CA10: variants seen among roughly 807,000 people sequenced by gnomAD.
CA10 encodes the protein carbonic anhydrase-related protein 10.
A neutral mutation model predicts 44.2 loss-of-function variants in CA10; 14 were observed. The ratio of observed to expected loss-of-function variants is 0.32; its 90% CI spans 0.21 to 0.50. CA10 has a LOEUF of 0.50. Among genes scored for constraint, CA10 ranks in the 20% least tolerant of loss-of-function variants. CA10 has a pLI of 0.99. For synonymous variants in CA10, 159 were observed against 141.6 expected (o/e 1.12, Z -0.87); for missense variants, 350 against 409.7 (o/e 0.85, Z 1.26).
intron 1 of CA10, among the ~76,000 whole-genome samples, chr17:52,146,606 C>T (rs1269095468): frequency 4.6e-5 from 7 of 151,828 alleles, no homozygotes; most frequent in Non-Finnish European, 7.4e-5. Flanking sequence ...AGGAGAATGG[C>T]GTGAACCCAG....
At chr17:51,916,683 T>C (rs1982011270) in intron 3 of CA10, among the ~76,000 whole-genome samples, 2 of 152,162 alleles carry the variant, frequency 1.3e-5, no homozygotes, top group South Asian at 4.1e-4. Flanking sequence ...GGTATATCTT[T>C]ATCAGCAGTA....
intron 3 of CA10, among the ~76,000 whole-genome samples, chr17:51,813,123 G>C (rs1051022854): frequency 6.6e-6 from 1 of 152,192 alleles, no homozygotes; most frequent in Non-Finnish European, 1.5e-5. Flanking sequence ...ATAGATAACA[G>C]ATTAAAAATT....
chr17:52,022,796 T>C (rs1054790471), intron 2 of CA10, among the ~76,000 whole-genome samples: 5 of 151,998 alleles, frequency 3.3e-5, no homozygotes, highest in African/African-American at 1.2e-4. Flanking sequence ...AAATCAGTAC[T>C]ATTTCTATAC....
intron 4 of CA10, among the ~76,000 whole-genome samples, chr17:51,718,469 G>A (rs1224290378): frequency 1.3e-5 from 2 of 152,086 alleles, no homozygotes; most frequent in African/African-American, 4.8e-5. Flanking sequence ...GGAAGGCAGT[G>A]GGCTTGGAGA....
intron 3 of CA10, among the ~76,000 whole-genome samples, chr17:51,767,684 T>C (rs906735863): frequency 6.6e-6 from 1 of 151,974 alleles, no homozygotes; most frequent in Non-Finnish European, 1.5e-5. Context: ...AATGAAACAA[T>C]TACACAACTC....
chr17:52,092,384 G>C (rs1417334996), intron 1 of CA10, among the ~76,000 whole-genome samples: 1 of 152,176 alleles, frequency 6.6e-6, no homozygotes, highest in East Asian at 1.9e-4. Context: ...TTATAAATCA[G>C]GAAACTGAAG....
At chr17:51,666,131 C>T (rs950216431) in intron 4 of CA10, among the ~76,000 whole-genome samples, 2 of 152,180 alleles carry the variant, frequency 1.3e-5, no homozygotes, top group Admixed American at 1.3e-4. Flanking sequence ...TCCAACAAAC[C>T]CGTATGTGTT....
intron 3 of CA10, among the ~76,000 whole-genome samples, chr17:51,754,400 GATAT>G (rs56145404): frequency 0.067 from 4,836 of 71,850 alleles, 222 homozygotes; most frequent in Middle Eastern, 0.091. Flanking sequence ...GTGTGTGTGT[GATAT>G]ATATATATAT....
chr17:51,988,508 T>C (rs73987339), intron 2 of CA10, among the ~76,000 whole-genome samples: 3,462 of 152,080 alleles, frequency 0.023, 127 homozygotes, highest in African/African-American at 0.075. Context: ...GGTGTGGTGG[T>C]TTTTGTGGGT....
At chr17:52,064,367 A>C (rs1222578541) in intron 2 of CA10, among the ~76,000 whole-genome samples, 1 of 152,182 alleles carries the variant, frequency 6.6e-6, no homozygotes, top group African/African-American at 2.4e-5. Context: ...AAACTACTAA[A>C]TAAATGGTAA....
At chr17:52,148,675 G>A (rs183062470) in intron 1 of CA10, among the ~76,000 whole-genome samples, 202 of 152,054 alleles carry the variant, frequency 1.3e-3, no homozygotes, top group African/African-American at 4.7e-3. Context: ...ACTCTCCATC[G>A]CTCCTTATTA....
intron 2 of CA10, among the ~76,000 whole-genome samples, chr17:51,960,093 C>T (rs1400429739): frequency 2.7e-5 from 4 of 150,750 alleles, no homozygotes; most frequent in East Asian, 1.9e-4. Context: ...AATATAAACA[C>T]GAAGTAAATA....
chr17:52,002,341 C>T (rs1985454483), intron 2 of CA10, among the ~76,000 whole-genome samples: 1 of 151,760 alleles, frequency 6.6e-6, no homozygotes, highest in Non-Finnish European at 1.5e-5. Context: ...AGAGGGGAGG[C>T]CAGAGGGCAT....
chr17:51,797,929 G>C (rs1408480398), intron 3 of CA10, among the ~76,000 whole-genome samples: 1 of 149,914 alleles, frequency 6.7e-6, no homozygotes, highest in Admixed American at 6.7e-5. Context: ...TCCACGACTA[G>C]CATCTAGGGG....
At chr17:51,981,518 G>C (rs1369690874) in intron 2 of CA10, among the ~76,000 whole-genome samples, 1 of 151,960 alleles carries the variant, frequency 6.6e-6, no homozygotes, top group Non-Finnish European at 1.5e-5. Context: ...CTCTCTGAGA[G>C]AGTGGTTGAT....
chr17:51,856,426 C>A (rs1277748800), intron 3 of CA10, among the ~76,000 whole-genome samples: 2 of 151,942 alleles, frequency 1.3e-5, no homozygotes, highest in African/African-American at 4.8e-5. Flanking sequence ...TACATGAGAC[C>A]ACAAGGAGTC....
intron 2 of CA10, among the ~76,000 whole-genome samples, chr17:51,951,939 T>G (rs1043093700): frequency 1.2e-4 from 19 of 152,180 alleles, no homozygotes; most frequent in African/African-American, 4.6e-4. Context: ...GCTGTGCTCA[T>G]CTCTGGCTAT....
At chr17:52,015,464 G>T (rs187441719) in intron 2 of CA10, among the ~76,000 whole-genome samples, 5 of 152,226 alleles carry the variant, frequency 3.3e-5, no homozygotes, top group Admixed American at 2.6e-4. Context: ...GGAGAACACT[G>T]AAAATATGAA....
chr17:51,878,160 A>AAG (rs1555608314), intron 3 of CA10, among the ~76,000 whole-genome samples: 6 of 150,882 alleles, frequency 4.0e-5, no homozygotes, highest in African/African-American at 1.5e-4. Context: ...AAAAAAAAAA[A>AAG]AAAAAAAGAA....
Sources: gnomAD v4.1 joint callset for allele counts (sites outside exome capture counted in the v4.1 genomes callset) on GRCh38, gnomAD v4.1.1 for gene constraint, MANE v1.5 for transcripts, NCBI Gene and HGNC (gene_info 2026-07-23, HGNC 2026-07-21) for gene names.